The following BCKDHB variants were observed in gnomAD, a reference collection of about 807,000 sequenced individuals.
BCKDHB encodes the protein branched chain keto acid dehydrogenase E1 subunit beta, also known as 2-oxoisovalerate dehydrogenase subunit beta, mitochondrial.
A neutral mutation model predicts 48.5 loss-of-function variants in BCKDHB; 41 were observed. That is an observed-to-expected ratio of 0.85 (90% CI 0.66 to 1.10). The LOEUF is 1.10. Ranked by LOEUF, BCKDHB falls within the 50% of genes least tolerant of loss-of-function variation. The pLI is 0.00. For missense variants in BCKDHB, 496 were observed against 494.2 expected (o/e 1.00, Z -0.03); for synonymous variants, 201 against 174.8 (o/e 1.15, Z -1.18).
intron 3 of BCKDHB, among the ~76,000 whole-genome samples, chr6:80,156,926 A>G (rs1400657923): frequency 1.3e-5 from 2 of 152,122 alleles, no homozygotes; most frequent in African/African-American, 2.4e-5. Flanking sequence ...TAATTTATAA[A>G]TTTGTTTTGG....
intron 9 of BCKDHB, among the ~76,000 whole-genome samples, chr6:80,276,977 C>G (rs528025551): frequency 6.6e-6 from 1 of 151,916 alleles, no homozygotes; most frequent in African/African-American, 2.4e-5. Context: ...TATATTTGGC[C>G]CCACTCTGGG....
At chr6:80,274,605 T>G (rs1159678562) in intron 9 of BCKDHB, among the ~76,000 whole-genome samples, 1 of 152,012 alleles carries the variant, frequency 6.6e-6, no homozygotes, top group East Asian at 1.9e-4. Flanking sequence ...GACAGCCTTG[T>G]TGTGTTTTGT....
rs188458249 is a variant in BCKDHB at position 80,258,206 on chromosome 6, G to A, written c.952-14929G>A. On this transcript the variant is annotated intron_variant, in intron 8 of 9. Coordinates refer to ENST00000320393, the MANE Select transcript of BCKDHB (RefSeq NM_183050.4). ...CAAAACAAAACACAGTGATTGACAA[G>A]GCACTGTTTCTGCTGAAAAGTTCAG... Among the ~76,000 whole-genome samples the A allele has an allele frequency of 2.6e-4, 39 of 152,208 alleles. No individual in the cohort carries two copies. The East Asian group carries it at 7.2e-3, about 28-fold the overall frequency.
At chr6:80,286,865 A>G (rs991703386) in intron 9 of BCKDHB, among the ~76,000 whole-genome samples, 1 of 152,160 alleles carries the variant, frequency 6.6e-6, no homozygotes, top group Admixed American at 6.5e-5. Flanking sequence ...TTTATGACAT[A>G]TACAAGGCAA....
chr6:80,440,886 C>G, the BCKDHB span: 3 of 152,096 alleles, frequency 2.0e-5, no homozygotes, highest in Non-Finnish European at 4.4e-5. Flanking sequence ...AATATGGAGA[C>G]AGTTCCAAGA....
At chr6:80,346,278 T>G (rs1213649254), downstream of BCKDHB, 1 of 152,216 alleles carries the variant, frequency 6.6e-6, no homozygotes, top group Non-Finnish European at 1.5e-5. Flanking sequence ...GTCTTTGGGT[T>G]GTATGTGTTC....
chr6:80,335,545 G>A (rs1582587416), intron 9 of BCKDHB, among the ~76,000 whole-genome samples: 2 of 152,136 alleles, frequency 1.3e-5, no homozygotes, highest in African/African-American at 4.8e-5. Flanking sequence ...TTTATTGAAT[G>A]TAAAGTGTTT....
intron 1 of BCKDHB, among the ~76,000 whole-genome samples, chr6:80,109,426 T>C (rs1018546545): frequency 1.3e-5 from 2 of 152,212 alleles, no homozygotes; most frequent in African/African-American, 4.8e-5. Flanking sequence ...GGGTTTTATG[T>C]ATCTGAGATT....
chr6:80,129,081 A>G, intron 2 of BCKDHB, 80 bp from the exon 3 acceptor site: 2 of 1,098,724 alleles, frequency 1.8e-6, no homozygotes, highest in Non-Finnish European at 2.7e-6. Context: ...AAATGTAAAC[A>G]TTTAAATTAC....
chr6:80,362,316 G>T, the BCKDHB span, among the ~76,000 whole-genome samples: 1 of 152,288 alleles, frequency 6.6e-6, no homozygotes, highest in East Asian at 1.9e-4. Context: ...CTATAGCCAG[G>T]ATAGTAGAAC....
intron 3 of BCKDHB, among the ~76,000 whole-genome samples, chr6:80,144,866 C>T (rs1419791214): frequency 6.6e-6 from 1 of 152,166 alleles, no homozygotes; most frequent in Non-Finnish European, 1.5e-5. Context: ...AGCCAAGTTA[C>T]TGCACAGTCT....
At chr6:80,457,462 A>G in the BCKDHB span, among the ~76,000 whole-genome samples, 1 of 152,160 alleles carries the variant, frequency 6.6e-6, no homozygotes, top group African/African-American at 2.4e-5. Context: ...GAGCTCTGGC[A>G]GTGTGTCCAG....
At chr6:80,415,504 C>T in the BCKDHB span, among the ~76,000 whole-genome samples, 18 of 152,022 alleles carry the variant, frequency 1.2e-4, no homozygotes, top group Non-Finnish European at 2.2e-4. Flanking sequence ...TTATCAAAAG[C>T]CTTTTCTGAA....
rs141991683 is a variant in BCKDHB, at chr6:80,200,989, A to G, written c.798A>G (p.Ile266Met). 4 of 1,613,018 alleles carry G rather than the reference A, an allele frequency of 2.5e-6. No individual in the cohort carries two copies. In the African/African-American group the frequency reaches 5.3e-5, roughly 22 times the overall value. Residue 266 changes from isoleucine (I) to methionine (M), a missense_variant, in exon 7 of 10, where the codon ATA becomes ATG. Physicochemically the swap from Ile to Met is conservative, Grantham distance 10. Coordinates refer to ENST00000320393, the MANE Select transcript of BCKDHB (RefSeq NM_183050.4). Reference sequence around the variant, plus strand: ...TCCCACTGTCCCAGGCCGAAGTCATACAGGAAGGGAGTGATGTTACTCTAG... The same window carrying G: ...TCCCACTGTCCCAGGCCGAAGTCATGCAGGAAGGGAGTGATGTTACTCTAG... ...YNIPLSQAEV[I>M]QEGSDVTLVA...
chr6:80,406,356 C>T, the BCKDHB span, among the ~76,000 whole-genome samples: 1 of 151,908 alleles, frequency 6.6e-6, no homozygotes, highest in Admixed American at 6.6e-5. Flanking sequence ...TGGGATTGCC[C>T]TTGGGTATAT....
At chr6:80,346,502 C>T (rs761245315), downstream of BCKDHB, among the ~76,000 whole-genome samples, 10 of 152,002 alleles carry the variant, frequency 6.6e-5, no homozygotes, top group African/African-American at 9.7e-5. Context: ...AACAAGGTGT[C>T]GTAATGAATG....
chr6:80,183,791 A>G (rs184690427), intron 6 of BCKDHB, among the ~76,000 whole-genome samples: 14 of 152,218 alleles, frequency 9.2e-5, no homozygotes, highest in Admixed American at 7.9e-4. Context: ...GCTTTATTGT[A>G]TCCATAGTTT....
chr6:80,435,811 A>T, the BCKDHB span, among the ~76,000 whole-genome samples: 1 of 152,168 alleles, frequency 6.6e-6, no homozygotes, highest in Non-Finnish European at 1.5e-5. Context: ...AGGTGGGTGG[A>T]TCACGAGGTC....
At chr6:80,418,865 A>G in the BCKDHB span, among the ~76,000 whole-genome samples, 1 of 152,080 alleles carries the variant, frequency 6.6e-6, no homozygotes, top group African/African-American at 2.4e-5. Flanking sequence ...AGCAGAGGTA[A>G]TACAGCTTGG....
Sources: gnomAD v4.1 joint callset for allele counts (sites outside exome capture counted in the v4.1 genomes callset) on GRCh38, gnomAD v4.1.1 for gene constraint, MANE v1.5 for transcripts, NCBI Gene and HGNC (gene_info 2026-07-23, HGNC 2026-07-21) for gene names.